The following DNM3 variants were observed in gnomAD, a reference collection of about 807,000 sequenced individuals.
DNM3 encodes the protein dynamin-3.
Under a neutral mutation model 101.6 loss-of-function variants are expected in DNM3, and 47 were observed. That is an observed-to-expected ratio of 0.46 (90% confidence interval 0.37 to 0.59). The LOEUF (loss-of-function observed/expected upper bound fraction) is 0.59, where lower values mean the gene tolerates loss of function less well. Among genes scored for constraint, DNM3 ranks in the 20% least tolerant of loss-of-function variants. The pLI is 0.00. For synonymous variants in DNM3, 385 were observed against 387.9 expected, an observed-to-expected ratio of 0.99 and a Z score of 0.09; for missense variants, 849 against 1,085.7, an observed-to-expected ratio of 0.78 and a Z score of 3.06.
intron 2 of DNM3, among the ~76,000 whole-genome samples, chr1:171,939,294 A>G (rs1400186764): frequency 6.6e-6 from 1 of 152,218 alleles, no homozygotes; most frequent in Non-Finnish European, 1.5e-5. Context: ...CAAAGGTATT[A>G]TATTTCTCTT....
At chr1:172,276,556 A>AGTGTGTGTGTGTGTGTGTGT (rs1557919059) in intron 15 of DNM3, among the ~76,000 whole-genome samples, 2 of 18,652 alleles carry the variant, frequency 1.1e-4, no homozygotes, top group African/African-American at 2.7e-4. Flanking sequence ...AAAAAATCTT[A>AGTGTGTGTGTGTGTGTGTGT]ATGTGTGTGT....
In DNM3 at chr1:172,243,972, G is replaced by C. The variant is rs61807807; in HGVS notation, c.1660-9601G>C. Among the ~76,000 whole-genome samples the C allele has an allele frequency of 2.6e-5, 4 of 151,926 alleles. No homozygotes were observed. The East Asian group carries it at 7.7e-4, about 29-fold the overall frequency. Reference sequence around the variant, plus strand: ...GCTGGTGCGCTGCACCCACTAACTCGTCATCTAGCATTAGGTATATCTCCC... The same window carrying C: ...GCTGGTGCGCTGCACCCACTAACTCCTCATCTAGCATTAGGTATATCTCCC... On this transcript the variant is annotated intron_variant, in intron 14 of 20. Coordinates refer to ENST00000627582, the MANE Select transcript of DNM3 (RefSeq NM_015569.5).
chr1:171,966,967 G>A (rs371231194), intron 2 of DNM3, among the ~76,000 whole-genome samples: 5 of 152,236 alleles, frequency 3.3e-5, no homozygotes, highest in African/African-American at 7.2e-5. Context: ...AAGAGTGGTC[G>A]AATAGCTCCT....
At chr1:172,025,110 G>C (rs1374755749) in intron 4 of DNM3, among the ~76,000 whole-genome samples, 1 of 152,206 alleles carries the variant, frequency 6.6e-6, no homozygotes, top group Non-Finnish European at 1.5e-5. Context: ...CTTGAGCTTT[G>C]TTTGGGGAGG....
intron 1 of DNM3, among the ~76,000 whole-genome samples, chr1:171,884,881 A>G (rs2036624393): frequency 6.6e-6 from 1 of 152,216 alleles, no homozygotes; most frequent in Non-Finnish European, 1.5e-5. Flanking sequence ...TTATTGTGTG[A>G]GAGCACTACA....
chr1:172,010,652 C>T (rs2047055891), intron 4 of DNM3, among the ~76,000 whole-genome samples: 1 of 87,106 alleles, frequency 1.1e-5, no homozygotes, highest in Non-Finnish European at 2.1e-5. Flanking sequence ...CTGGTGTCAG[C>T]AATTTAATTA....
intron 2 of DNM3, among the ~76,000 whole-genome samples, chr1:171,974,516 A>G (rs2044236237): frequency 6.6e-6 from 1 of 152,222 alleles, no homozygotes; most frequent in African/African-American, 2.4e-5. Flanking sequence ...ATTAGTGACT[A>G]TCATAGCTAA....
chr1:172,046,732 C>T (rs532854939), intron 9 of DNM3, among the ~76,000 whole-genome samples: 1 of 152,208 alleles, frequency 6.6e-6, no homozygotes, highest in African/African-American at 2.4e-5. Context: ...TATTCTATTT[C>T]TTCTCCACCA....
At chr1:172,092,081 T>C (rs2053948308) in intron 12 of DNM3, among the ~76,000 whole-genome samples, 1 of 152,194 alleles carries the variant, frequency 6.6e-6, no homozygotes, top group East Asian at 1.9e-4. Flanking sequence ...AGACTGTGGG[T>C]GGAACAGATT....
chr1:172,064,959 G>T (rs1285432879), intron 10 of DNM3, among the ~76,000 whole-genome samples: 1 of 152,116 alleles, frequency 6.6e-6, no homozygotes, highest in East Asian at 1.9e-4. Context: ...CAAAATTGTG[G>T]CTCTTACAGA....
intron 11 of DNM3, among the ~76,000 whole-genome samples, chr1:172,070,499 AGGATAAT>A (rs1225438005): frequency 2.0e-5 from 3 of 152,246 alleles, no homozygotes; most frequent in African/African-American, 7.2e-5. Flanking sequence ...GAGAAAATAT[AGGATAAT>A]TATTTAAAGC....
intron 14 of DNM3, among the ~76,000 whole-genome samples, chr1:172,163,377 T>A (rs1280681409): frequency 2.0e-5 from 3 of 151,870 alleles, no homozygotes; most frequent in Non-Finnish European, 4.4e-5. Flanking sequence ...TAGCTGGGAC[T>A]ACAGGTGCAT....
intron 1 of DNM3, among the ~76,000 whole-genome samples, chr1:171,859,752 T>C (rs533232500): frequency 2.6e-5 from 4 of 152,254 alleles, no homozygotes; most frequent in African/African-American, 7.2e-5. Flanking sequence ...AGGATAGTGA[T>C]AGAACATGAC....
At chr1:171,881,995 TTTTAAC>T (rs2036303999) in intron 1 of DNM3, among the ~76,000 whole-genome samples, 1 of 152,198 alleles carries the variant, frequency 6.6e-6, no homozygotes, top group African/African-American at 2.4e-5. Flanking sequence ...TCTAGAGTTA[TTTTAAC>T]TTTATTTTGA....
intron 1 of DNM3, among the ~76,000 whole-genome samples, chr1:171,880,249 A>G (rs947989926): frequency 6.6e-6 from 1 of 150,816 alleles, no homozygotes; most frequent in Non-Finnish European, 1.5e-5. Context: ...TACAGTCTCC[A>G]AGTAGATTTT....
intron 14 of DNM3, among the ~76,000 whole-genome samples, chr1:172,196,156 A>C (rs570219497): frequency 6.6e-6 from 1 of 151,786 alleles, no homozygotes; most frequent in South Asian, 2.1e-4. Context: ...AACATATGGT[A>C]TTTGGTTTTC....
At chr1:172,165,282 T>G (rs2058704837) in intron 14 of DNM3, among the ~76,000 whole-genome samples, 1 of 151,766 alleles carries the variant, frequency 6.6e-6, no homozygotes, top group Admixed American at 6.6e-5. Context: ...AAATAAAAGA[T>G]AGAACAAAAT....
Position 171,957,155 on chromosome 1 carries a change from G to C in DNM3, c.236-30501G>C, listed in dbSNP as rs1390787149. Among the ~76,000 whole-genome samples the C allele has an allele frequency of 2.6e-5, 4 of 151,370 alleles. No homozygotes were observed. The South Asian group carries it at 8.4e-4, about 32-fold the overall frequency. ...TTATGTAAATCTCTACAGCCTGCTT[G>C]AATTTCTTCTCAGAAAACGTGTTTT... On this transcript the variant is annotated intron_variant, in intron 2 of 20. Transcript: ENST00000627582.
chr1:172,219,139 G>A (rs910564997), intron 14 of DNM3, among the ~76,000 whole-genome samples: 2 of 151,958 alleles, frequency 1.3e-5, no homozygotes, highest in Admixed American at 1.3e-4. Context: ...AATTGCTTGA[G>A]CCCAGGAATT....
Sources: allele counts gnomAD v4.1 joint callset (sites outside exome capture counted in the v4.1 genomes callset), GRCh38; gene constraint gnomAD v4.1.1; transcripts MANE v1.5; gene names NCBI Gene and HGNC (gene_info 2026-07-23, HGNC 2026-07-21).